The following BSPH1 variants were observed in gnomAD, a reference collection of about 807,000 sequenced individuals.
BSPH1 encodes binder of sperm protein homolog 1.
Under a neutral mutation model 22.5 loss-of-function variants are expected in BSPH1, and 21 were observed. The ratio of observed to expected loss-of-function variants is 0.93; its 90% CI spans 0.66 to 1.35. BSPH1 has a LOEUF of 1.35. Ranked by LOEUF, BSPH1 falls within the 40% of genes most tolerant of loss-of-function variation. The pLI is 0.00. For synonymous variants in BSPH1, 42 were observed against 53.6 expected (o/e 0.78, Z 0.95); for missense variants, 141 against 154.2 (o/e 0.91, Z 0.45).
At chr19:47,984,524 C>T (rs1211159676) in intron 1 of BSPH1, among the ~76,000 whole-genome samples, 1 of 152,030 alleles carries the variant, frequency 6.6e-6, no homozygotes, top group Non-Finnish European at 1.5e-5. Context: ...AAATGAGTCT[C>T]ATTTTTTCAG....
chr19:47,983,841 A>AT (rs57655745), intron 1 of BSPH1, among the ~76,000 whole-genome samples: 34,940 of 147,928 alleles, frequency 0.24, 4,201 homozygotes, highest in East Asian at 0.29. Flanking sequence ...TTGAAGAGAA[A>AT]TTTTTTTTTT....
At chr19:47,971,004 G>A (rs901103952) in intron 5 of BSPH1, among the ~76,000 whole-genome samples, 3 of 152,074 alleles carry the variant, frequency 2.0e-5, no homozygotes, top group Admixed American at 6.6e-5. Context: ...CAGCAGCATT[G>A]TGAATAGCTA....
At chr19:47,983,251 A>G (rs1969435813) in intron 1 of BSPH1, among the ~76,000 whole-genome samples, 3 of 152,232 alleles carry the variant, frequency 2.0e-5, no homozygotes, top group Admixed American at 2.0e-4. Flanking sequence ...GGACTACAGA[A>G]ACCATGAGAT....
rs1158792740 is a variant in BSPH1 at position 47,977,461 on chromosome 19, A to G, written c.168T>C (p.Tyr56=). The change falls in exon 4 of 6, where the codon TAT becomes TAC. Residue 56 remains tyrosine (Y), a synonymous_variant. Coordinates refer to ENST00000344839, the MANE Select transcript of BSPH1 (RefSeq NM_001128326.2). The part of the protein sequence containing the change: ...VFPFHYKNGT[Y]YDCIKSKARH... ...TTGCCTTGGACTTGATGCAGTCATA[A>G]TATGTTCCATTTTTATAGTGGAATG... The G allele has an allele frequency of 6.4e-7, 1 of 1,551,822 alleles. No homozygotes were observed. Among genetic ancestry groups the G allele is most frequent in the Middle Eastern group, 1.7e-4 (1 of 5,994 alleles).
At chr19:47,982,808 A>G (rs901176501) in intron 1 of BSPH1, among the ~76,000 whole-genome samples, 1 of 152,328 alleles carries the variant, frequency 6.6e-6, no homozygotes, top group African/African-American at 2.4e-5. Context: ...ATGCCACCAC[A>G]TGGATGCACT....
intron 1 of BSPH1, among the ~76,000 whole-genome samples, chr19:47,990,060 G>A (rs1215874497): frequency 6.7e-5 from 10 of 150,350 alleles, no homozygotes; most frequent in African/African-American, 9.8e-5. Flanking sequence ...CTGAGGTTGC[G>A]GTGAGCCGAG....
In BSPH1 at chr19:47,980,923, A is replaced by G; in HGVS notation, c.92T>C (p.Val31Ala). The G allele has an allele frequency of 6.8e-7, 1 of 1,462,316 alleles. No homozygotes were observed. The highest frequency in any genetic ancestry group is 9.2e-7 in the Non-Finnish European group (1 of 1,091,704). The allele number at this position is 1,462,316 out of a possible 1,614,324, so 90.6% of individuals were successfully genotyped here. ...TAAAAGTTTTTTGATCAACTCACCC[A>G]CAGTTGATGATAATTCATCTGAAAA... Reference protein sequence around the residue: ...PVILNELSSTVETITHFPEVT... With the variant: ...PVILNELSSTAETITHFPEVT... The change falls in exon 2 of 6, where the codon GTG becomes GCG. Residue 31 changes from valine to alanine, a missense_variant and splice_region_variant. By Grantham distance (64) the Val-to-Ala change is moderately conservative (BLOSUM62 0). Transcript: ENST00000344839.
chr19:47,984,161 A>ATATAT (rs1443677923), intron 1 of BSPH1, among the ~76,000 whole-genome samples: 2 of 135,786 alleles, frequency 1.5e-5, no homozygotes, highest in African/African-American at 2.9e-5. Flanking sequence ...GAAAAAAAAA[A>ATATAT]AAATATATAT....
chr19:47,978,198 G>C (rs1292261585), intron 3 of BSPH1, among the ~76,000 whole-genome samples: 4 of 151,724 alleles, frequency 2.6e-5, no homozygotes, highest in Admixed American at 1.3e-4. Flanking sequence ...TTATCCTCCT[G>C]GGCTCAAGCA....
At chr19:47,972,689 A>G (rs1254256267) in intron 5 of BSPH1, among the ~76,000 whole-genome samples, 1 of 152,118 alleles carries the variant, frequency 6.6e-6, no homozygotes, top group East Asian at 1.9e-4. Context: ...GTTACCTCGG[A>G]TGTGTGGAAT....
At chr19:47,979,477 T>TTA in intron 3 of BSPH1, 93 bp downstream of exon 3, 1 of 643,376 alleles carries the variant, frequency 1.6e-6, no homozygotes, top group African/African-American at 2.3e-5. Flanking sequence ...GAAAAAATGA[T>TTA]TTTTTTTACT....
intron 5 of BSPH1, among the ~76,000 whole-genome samples, chr19:47,970,676 A>T (rs1245198273): frequency 5.9e-5 from 9 of 152,220 alleles, no homozygotes; most frequent in Admixed American, 5.9e-4. Context: ...ATTGTTTACC[A>T]AATACCCTTC....
chr19:47,973,940 AC>A (rs1219678356), intron 5 of BSPH1, among the ~76,000 whole-genome samples: 1 of 152,042 alleles, frequency 6.6e-6, no homozygotes, highest in African/African-American at 2.4e-5. Flanking sequence ...TTCTTCTCCC[AC>A]ACCCACCAAA....
rs142100587 is a variant in BSPH1, at chr19:47,990,737, C to T, written c.73+1272G>A. Among the ~76,000 whole-genome samples the T allele has an allele frequency of 2.1e-3, 318 of 152,206 alleles. 2 individuals are homozygous for T. The highest frequency in any genetic ancestry group is 7.1e-3 in the African/African-American group (295 of 41,546). The stretch of plus-strand genomic sequence containing the variant: ...GAAACTATGCTTAGTCCTCATCAAA[C>T]GTTGTCAGATGCATCCATAGTGAAT... On this transcript the variant is annotated intron_variant, in intron 1 of 5. Transcript: ENST00000344839.
intron 1 of BSPH1, among the ~76,000 whole-genome samples, chr19:47,990,641 G>A (rs1350496448): frequency 6.6e-6 from 1 of 151,250 alleles, no homozygotes; most frequent in African/African-American, 2.4e-5. Context: ...ATGCAAAGAT[G>A]TCCTGAAGAA....
intron 5 of BSPH1, 101 bp downstream of exon 5, chr19:47,976,609 C>A: frequency 4.5e-6 from 3 of 664,810 alleles, no homozygotes; most frequent in Non-Finnish European, 4.7e-6. Context: ...AAAAAAAACC[C>A]TCTCTAATGA....
intron 1 of BSPH1, among the ~76,000 whole-genome samples, chr19:47,985,924 G>A (rs898109994): frequency 6.6e-6 from 1 of 152,016 alleles, no homozygotes; most frequent in East Asian, 1.9e-4. Flanking sequence ...CCCTGAACCC[G>A]ATCACTTTTC....
chr19:47,967,323 T>C (rs953312535), downstream of BSPH1, among the ~76,000 whole-genome samples: 1 of 152,238 alleles, frequency 6.6e-6, no homozygotes, highest in Non-Finnish European at 1.5e-5. Flanking sequence ...TCATTCTTTG[T>C]TATAGGAGAC....
chr19:47,971,304 C>T (rs1025125039), intron 5 of BSPH1, among the ~76,000 whole-genome samples: 3 of 152,154 alleles, frequency 2.0e-5, no homozygotes, highest in East Asian at 1.9e-4. Context: ...CTTTTGGGTT[C>T]GAGCGATTCT....
Sources: gnomAD v4.1 joint callset for allele counts (sites outside exome capture counted in the v4.1 genomes callset) on GRCh38, gnomAD v4.1.1 for gene constraint, MANE v1.5 for transcripts, NCBI Gene and HGNC (gene_info 2026-07-23, HGNC 2026-07-21) for gene names.